The following CHSY1 variants were observed in gnomAD, a reference collection of about 807,000 sequenced individuals.
CHSY1 encodes N-acetylgalactosaminyl-proteoglycan 3-beta-glucuronosyltransferase 1.
Under a neutral mutation model 59.8 loss-of-function variants are expected in CHSY1, and 13 were observed. The ratio of observed to expected loss-of-function variants is 0.22; its 90% CI spans 0.14 to 0.35. The LOEUF is 0.35. Among genes scored for constraint, CHSY1 ranks in the 10% least tolerant of loss-of-function variants. The pLI, the probability that CHSY1 is intolerant of heterozygous loss-of-function variation, is 1.00. For missense variants in CHSY1, 947 were observed against 1,030.6 expected, an observed-to-expected ratio of 0.92 and a Z score of 1.11; for synonymous variants, 459 against 401.2, an observed-to-expected ratio of 1.14 and a Z score of -1.72.
At chr15:101,246,002 G>A (rs999450334) in intron 1 of CHSY1, among the ~76,000 whole-genome samples, 3 of 152,220 alleles carry the variant, frequency 2.0e-5, no homozygotes, top group African/African-American at 7.2e-5. Flanking sequence ...TATAAGATAG[G>A]AGGATCTCAT....
chr15:101,207,076 C>CTTTT (rs2038634317), intron 2 of CHSY1, among the ~76,000 whole-genome samples: 1 of 152,094 alleles, frequency 6.6e-6, no homozygotes, highest in South Asian at 2.1e-4. Context: ...CAAACAAAAC[C>CTTTT]TAAAAGGGGA....
Position 101,235,205 on chromosome 15 carries a change from C to G in CHSY1, c.693G>C (p.Val231=), listed in dbSNP as rs1423447301. 6.2e-7 allele frequency: 1 copy of G among 1,613,782 alleles called. No individual in the cohort carries two copies. Among genetic ancestry groups the G allele is most frequent in the Non-Finnish European group, 8.5e-7 (1 of 1,179,830 alleles). ...GGPGVIMSRE[V]LRRMVPHIGK... is the part of the protein sequence containing the mutation. ...CAATGTGCGGCACCATTCTCCGAAG[C>G]ACCTCCCGGCTCATGATCACGCCAG... is the stretch of plus-strand genomic sequence containing the variant. Residue 231 remains valine (V), a synonymous_variant, in exon 2 of 3, where the codon GTG becomes GTC. Coordinates refer to ENST00000254190, the MANE Select transcript of CHSY1 (RefSeq NM_014918.5).
chr15:101,202,833 T>C (rs1439149011), intron 2 of CHSY1, among the ~76,000 whole-genome samples: 2 of 152,248 alleles, frequency 1.3e-5, no homozygotes, highest in African/African-American at 2.4e-5. Context: ...AAAGCCATTA[T>C]GTAATGGTAA....
At chr15:101,237,221 C>CT (rs1487219386) in intron 1 of CHSY1, among the ~76,000 whole-genome samples, 1 of 64,292 alleles carries the variant, frequency 1.6e-5, no homozygotes, top group Non-Finnish European at 2.7e-5. Flanking sequence ...AAGACTCCAT[C>CT]TAAAAAAAAA....
chr15:101,229,765 G>A (rs1274456033), intron 2 of CHSY1, among the ~76,000 whole-genome samples: 1 of 151,758 alleles, frequency 6.6e-6, no homozygotes, highest in Non-Finnish European at 1.5e-5. Flanking sequence ...AATTTAGCTG[G>A]GCATGGTGGC....
intron 2 of CHSY1, among the ~76,000 whole-genome samples, chr15:101,215,009 G>A (rs548859821): frequency 6.6e-6 from 1 of 152,230 alleles, no homozygotes; most frequent in African/African-American, 2.4e-5. Context: ...TCCTCCCTTC[G>A]CTTTCTCTTG....
At chr15:101,234,568 T>G (rs143830644) in intron 2 of CHSY1, among the ~76,000 whole-genome samples, 17 of 152,302 alleles carry the variant, frequency 1.1e-4, no homozygotes, top group African/African-American at 4.1e-4. Context: ...AACTAAGTAT[T>G]AGGACAAAAG....
intron 2 of CHSY1, among the ~76,000 whole-genome samples, chr15:101,229,391 T>A (rs1402357063): frequency 6.6e-6 from 1 of 152,144 alleles, no homozygotes; most frequent in Non-Finnish European, 1.5e-5. Context: ...ATGCAAATGG[T>A]AACCAAGAGA....
intron 2 of CHSY1, among the ~76,000 whole-genome samples, chr15:101,200,216 T>C (rs1220227403): frequency 6.6e-6 from 1 of 152,214 alleles, no homozygotes; most frequent in Non-Finnish European, 1.5e-5. Flanking sequence ...ACTTCCAGAA[T>C]AACTTTTTTG....
chr15:101,249,432 C>G (rs776350481), intron 1 of CHSY1, among the ~76,000 whole-genome samples: 3 of 148,880 alleles, frequency 2.0e-5, no homozygotes, highest in Admixed American at 6.7e-5. Flanking sequence ...CAAGGTAGAT[C>G]TGGGAGAGAT....
intron 2 of CHSY1, among the ~76,000 whole-genome samples, chr15:101,181,866 A>C (rs2038284649): frequency 6.6e-6 from 1 of 152,182 alleles, no homozygotes; most frequent in Admixed American, 6.5e-5. Flanking sequence ...AACTACTAAT[A>C]GCCTACTGTT....
chr15:101,183,974 A>G (rs1339117245), intron 2 of CHSY1, among the ~76,000 whole-genome samples: 1 of 152,242 alleles, frequency 6.6e-6, no homozygotes, highest in Non-Finnish European at 1.5e-5. Context: ...ATATTTAAAG[A>G]GAAAATATAT....
At position 101,235,481 on chromosome 15, in the gene CHSY1, C is replaced by T; in HGVS notation, c.417G>A (p.Val139=). The change falls in exon 2 of 3, where the codon GTG becomes GTA. Residue 139 remains valine, a synonymous_variant. Coordinates refer to ENST00000254190, the MANE Select transcript of CHSY1 (RefSeq NM_014918.5). ...TCTTCTGGGGCGGGTAGGAGTCGTC[C>T]ACACCCCGTAGTGGCACTACTGGAA... The part of the protein sequence containing the change: ...VPIPVVPLRG[V]DDSYPPQKKS... 1 of 1,614,170 alleles carries T rather than the reference C, an allele frequency of 6.2e-7. No individual in the cohort carries two copies. The highest frequency in any genetic ancestry group is 8.5e-7 in the Non-Finnish European group (1 of 1,180,034).
intron 1 of CHSY1, among the ~76,000 whole-genome samples, chr15:101,248,119 G>A (rs1224520247): frequency 6.6e-6 from 1 of 152,136 alleles, no homozygotes; most frequent in African/African-American, 2.4e-5. Context: ...GAAATGTAAA[G>A]CTCAGCACAT....
chr15:101,232,220 C>G (rs1379142061), intron 2 of CHSY1, among the ~76,000 whole-genome samples: 1 of 152,160 alleles, frequency 6.6e-6, no homozygotes, highest in Non-Finnish European at 1.5e-5. Flanking sequence ...TTCCAAGTCC[C>G]AAAGCTTAAC....
At chr15:101,228,153 A>T (rs926003258) in intron 2 of CHSY1, among the ~76,000 whole-genome samples, 1 of 152,176 alleles carries the variant, frequency 6.6e-6, no homozygotes, top group Non-Finnish European at 1.5e-5. Context: ...ATATCACAAC[A>T]GAGTTGAACA....
Position 101,177,442 on chromosome 15 carries a change from A to AT in CHSY1, c.2354dup (p.Asn785LysfsTer2). The AT allele has an allele frequency of 6.2e-7, 1 of 1,612,262 alleles. No individual in the cohort carries two copies. The highest frequency in any genetic ancestry group is 8.5e-7 in the Non-Finnish European group (1 of 1,179,018). On this transcript the variant is annotated frameshift_variant, in exon 3 of 3. Coordinates refer to ENST00000254190, the MANE Select transcript of CHSY1 (RefSeq NM_014918.5). LOFTEE classifies it high-confidence loss of function. ...TGCTGCTTTTACTGTAACTTGGATC[A>AT]TTTTTTTCCAGCCACATCTCAGCCA... is the stretch of plus-strand genomic sequence containing the variant.
At chr15:101,250,945 A>G (rs1395043423) in intron 1 of CHSY1, among the ~76,000 whole-genome samples, 192 bp downstream of exon 1, 2 of 152,146 alleles carry the variant, frequency 1.3e-5, no homozygotes, top group Non-Finnish European at 2.9e-5. Flanking sequence ...CATGTTCCTG[A>G]GCGCCGCGCT....
chr15:101,178,573 A>G lies in CHSY1; in HGVS notation c.1224T>C (p.Ile408=), dbSNP rs1463101536. ...DSAQREALDD[I]VMQVMEMINA... is the part of the protein sequence containing the mutation. ...TGATCATCTCCATGACCTGCATGACAATGTCGTCCAAGGCTTCCCTCTGGG... is the reference window on the plus strand; with the variant it reads ...TGATCATCTCCATGACCTGCATGACGATGTCGTCCAAGGCTTCCCTCTGGG... Residue 408 remains isoleucine, a synonymous_variant, in exon 3 of 3, where the codon ATT becomes ATC. Transcript: ENST00000254190. 9.9e-6 allele frequency: 16 copies of G among 1,614,192 alleles called. No individual in the cohort carries two copies. The highest frequency in any genetic ancestry group is 1.4e-5 in the Non-Finnish European group (16 of 1,180,026).
Sources: gnomAD v4.1 joint callset for allele counts (sites outside exome capture counted in the v4.1 genomes callset) on GRCh38, gnomAD v4.1.1 for gene constraint, MANE v1.5 for transcripts, NCBI Gene and HGNC (gene_info 2026-07-23, HGNC 2026-07-21) for gene names.